The following NCALD variants were observed in gnomAD, a reference collection of about 807,000 sequenced individuals.
NCALD encodes the protein neurocalcin-delta.
NCALD carries 10 observed loss-of-function variants against 18.6 expected under a neutral mutation model. That is an observed-to-expected ratio of 0.54 (90% CI 0.33 to 0.91). The LOEUF (loss-of-function observed/expected upper bound fraction) is 0.91, where lower values mean the gene tolerates loss of function less well. Ranked by LOEUF, NCALD falls within the 40% of genes least tolerant of loss-of-function variation. The pLI, the probability that NCALD is intolerant of heterozygous loss-of-function variation, is 0.03. For synonymous variants in NCALD, 88 were observed against 87.4 expected (o/e 1.01, Z -0.04); for missense variants, 184 against 247.6 (o/e 0.74, Z 1.72).
intron 4 of NCALD, among the ~76,000 whole-genome samples, chr8:101,845,331 G>T (rs1035812150): frequency 6.6e-6 from 1 of 152,174 alleles, no homozygotes; most frequent in Non-Finnish European, 1.5e-5. Flanking sequence ...GCTTGGAGGA[G>T]CCCTGGGCCA....
At chr8:102,069,263 A>C (rs1824105923) in intron 1 of NCALD, among the ~76,000 whole-genome samples, 2 of 152,160 alleles carry the variant, frequency 1.3e-5, no homozygotes, top group African/African-American at 2.4e-5. Flanking sequence ...ATTTTGCACA[A>C]TGTAAACATA....
chr8:101,830,779 C>T lies in NCALD; in HGVS notation c.-20+56362G>A, dbSNP rs1450616386. Reference sequence around the variant, plus strand: ...TTTTTTAGACGGAGTCTGGCTCTGTCTCCCAGGCTGGAGTGCAGTGGTGCG... The same window carrying T: ...TTTTTTAGACGGAGTCTGGCTCTGTTTCCCAGGCTGGAGTGCAGTGGTGCG... On this transcript the variant is annotated intron_variant, in intron 4 of 6. Coordinates refer to the NCALD transcript ENST00000311028. Among the ~76,000 whole-genome samples, 7 of 144,786 alleles carry T rather than the reference C, an allele frequency of 4.8e-5. No homozygotes were observed. In the Admixed American group the frequency reaches 4.9e-4, roughly 10 times the overall value. The allele number at this position is 144,786 out of a possible 152,430, so 95.0% of individuals were successfully genotyped here. A position where few individuals can be genotyped will look rare whatever the true frequency, so the allele number is the denominator to read the frequency against.
At chr8:101,825,817 G>T (rs933960505) in intron 4 of NCALD, among the ~76,000 whole-genome samples, 1 of 152,212 alleles carries the variant, frequency 6.6e-6, no homozygotes, top group African/African-American at 2.4e-5. Flanking sequence ...CTCTGCCACT[G>T]TAGCACAAAA....
chr8:101,993,110 A>G (rs1329886999), intron 2 of NCALD, among the ~76,000 whole-genome samples: 1 of 149,112 alleles, frequency 6.7e-6, no homozygotes, highest in African/African-American at 2.5e-5. Flanking sequence ...GAGTAAGTTA[A>G]CAAACTAAAA....
chr8:101,738,274 T>C (rs2130663089), intron 1 of NCALD, among the ~76,000 whole-genome samples: 1 of 152,306 alleles, frequency 6.6e-6, no homozygotes, highest in South Asian at 2.1e-4. Flanking sequence ...CCGGGCGCAG[T>C]GGCTCCTGCC....
At chr8:101,919,079 C>T (rs1371313959) in intron 2 of NCALD, among the ~76,000 whole-genome samples, 1 of 152,062 alleles carries the variant, frequency 6.6e-6, no homozygotes, top group Non-Finnish European at 1.5e-5. Flanking sequence ...CAAAGCAATC[C>T]TAAGCAAAAA....
At chr8:101,877,241 C>G (rs1816264194) in intron 4 of NCALD, among the ~76,000 whole-genome samples, 1 of 152,146 alleles carries the variant, frequency 6.6e-6, no homozygotes, top group African/African-American at 2.4e-5. Context: ...TGAGGATAAT[C>G]AACATTGCAG....
intron 2 of NCALD, among the ~76,000 whole-genome samples, chr8:101,991,414 C>A (rs1341274553): frequency 1.3e-5 from 2 of 152,170 alleles, no homozygotes; most frequent in Non-Finnish European, 2.9e-5. Flanking sequence ...ATCTCACTAT[C>A]ACAGAGACTT....
upstream of NCALD, among the ~76,000 whole-genome samples, chr8:101,792,525 C>G (rs1311114453): frequency 6.6e-6 from 1 of 152,176 alleles, no homozygotes; most frequent in Non-Finnish European, 1.5e-5. Flanking sequence ...TTAATGACAG[C>G]TGGGAATTTA....
At chr8:101,909,292 C>T (rs1305241506) in intron 3 of NCALD, among the ~76,000 whole-genome samples, 3 of 152,196 alleles carry the variant, frequency 2.0e-5, no homozygotes, top group African/African-American at 7.2e-5. Flanking sequence ...TCATACTTTT[C>T]AGCACTCCTC....
At chr8:101,761,922 G>A (rs796225156) in intron 1 of NCALD, among the ~76,000 whole-genome samples, 14 of 152,318 alleles carry the variant, frequency 9.2e-5, no homozygotes, top group African/African-American at 3.4e-4. Flanking sequence ...ACATGTGGGA[G>A]TATAATCCAA....
chr8:101,786,911 C>G (rs1464448270), intron 1 of NCALD, among the ~76,000 whole-genome samples: 1 of 152,060 alleles, frequency 6.6e-6, no homozygotes, highest in Non-Finnish European at 1.5e-5. Flanking sequence ...TTTAAAGGCA[C>G]TTATGAAAAT....
chr8:101,719,576 T>A lies in NCALD; in HGVS notation c.54A>T (p.Glu18Asp). The change falls in exon 2 of 4, where the codon GAA becomes GAT. Residue 18 changes from glutamate to aspartate, a missense_variant. Transcript: ENST00000220931. ...TCTCATGCTCTGTAAAGTCTGTGCT[T>A]TCCAGCAAGTCCTGCATGACCTCCG... is the stretch of plus-strand genomic sequence containing the variant. ...LRPEVMQDLL[E>D]STDFTEHEIQ... The A allele has an allele frequency of 6.2e-7, 1 of 1,612,218 alleles. No individual in the cohort carries two copies. The highest frequency in any genetic ancestry group is 8.5e-7 in the Non-Finnish European group (1 of 1,179,400).
At chr8:101,943,658 C>T (rs1053005161) in intron 2 of NCALD, among the ~76,000 whole-genome samples, 4 of 152,120 alleles carry the variant, frequency 2.6e-5, no homozygotes, top group East Asian at 1.9e-4. Flanking sequence ...GGCAACTTGT[C>T]GGCTGGGCGC....
chr8:101,820,025 T>A (rs1304460470), intron 4 of NCALD, among the ~76,000 whole-genome samples: 1 of 152,248 alleles, frequency 6.6e-6, no homozygotes, highest in Non-Finnish European at 1.5e-5. Flanking sequence ...TTAGGTGAGC[T>A]CTTACTAGCC....
intron 1 of NCALD, among the ~76,000 whole-genome samples, chr8:102,079,526 G>C (rs547363355): frequency 1.3e-3 from 197 of 147,332 alleles, no homozygotes; most frequent in Non-Finnish European, 2.4e-3. Flanking sequence ...CACTCTTTTG[G>C]AAGGCACATG....
chr8:101,990,059 T>C (rs181292223), intron 2 of NCALD, among the ~76,000 whole-genome samples: 5 of 152,290 alleles, frequency 3.3e-5, no homozygotes, highest in African/African-American at 1.2e-4. Context: ...CCTGGTAGAA[T>C]TCGTCCTGGT....
chr8:101,909,553 T>C (rs1287600123), intron 3 of NCALD, among the ~76,000 whole-genome samples: 1 of 152,332 alleles, frequency 6.6e-6, no homozygotes, highest in South Asian at 2.1e-4. Context: ...ATTGCATAAA[T>C]TATCTCATAT....
At chr8:102,048,133 A>C (rs1336866606) in intron 1 of NCALD, among the ~76,000 whole-genome samples, 1 of 152,204 alleles carries the variant, frequency 6.6e-6, no homozygotes, top group Non-Finnish European at 1.5e-5. Flanking sequence ...ATTACTAAAA[A>C]TATTGGAGCT....
Sources: gnomAD v4.1 joint callset for allele counts (sites outside exome capture counted in the v4.1 genomes callset) on GRCh38, gnomAD v4.1.1 for gene constraint, MANE v1.5 for transcripts, NCBI Gene and HGNC (gene_info 2026-07-23, HGNC 2026-07-21) for gene names.